COL5A2: variants seen among roughly 807,000 people sequenced by gnomAD.
COL5A2 encodes the protein collagen type V alpha 2 chain.
In COL5A2, 23 loss-of-function variants were observed where a neutral mutation model predicts 208.2. That is an observed-to-expected ratio of 0.11 (90% CI 0.08 to 0.16). COL5A2 has a LOEUF of 0.16. Among genes scored for constraint, COL5A2 ranks in the 10% least tolerant of loss-of-function variants. The probability of loss-of-function intolerance (pLI) is 1.00; values close to 1 mark genes in which losing one functional copy is unlikely to be tolerated. For missense variants in COL5A2, 1,590 were observed against 1,956.4 expected (o/e 0.81, Z 3.53); for synonymous variants, 625 against 628.5 (o/e 0.99, Z 0.08).
chr2:189,262,705 T>C, the COL5A2 span, among the ~76,000 whole-genome samples: 1 of 152,058 alleles, frequency 6.6e-6, no homozygotes, highest in Non-Finnish European at 1.5e-5. Flanking sequence ...TATAATCTAA[T>C]TAATCCCTAT....
At chr2:189,311,585 C>T in the COL5A2 span, 1 of 1,214,568 alleles carries the variant, frequency 8.2e-7, no homozygotes, top group East Asian at 2.5e-5. Flanking sequence ...CTCCCTCAGG[C>T]TGTTCTCCAA....
intron 16 of COL5A2, among the ~76,000 whole-genome samples, chr2:189,077,635 T>C (rs1686439146): frequency 6.6e-6 from 1 of 152,208 alleles, no homozygotes; most frequent in Non-Finnish European, 1.5e-5. Context: ...TATTCTATAA[T>C]ATTCTCTATA....
intron 19 of COL5A2, 150 bp downstream of exon 19, chr2:189,068,636 C>T: frequency 1.5e-6 from 1 of 664,248 alleles, no homozygotes; most frequent in Non-Finnish European, 2.7e-6. Context: ...TTGATTATTA[C>T]ACATCTTAGG....
the COL5A2 span, among the ~76,000 whole-genome samples, chr2:189,340,880 G>A: frequency 2.0e-5 from 3 of 152,132 alleles, no homozygotes; most frequent in Non-Finnish European, 4.4e-5. Context: ...TTCCAAAGAC[G>A]TTTAAAGCCT....
chr2:189,171,018 A>G (rs554824081), intron 1 of COL5A2, among the ~76,000 whole-genome samples: 1 of 152,192 alleles, frequency 6.6e-6, no homozygotes, highest in African/African-American at 2.4e-5. Flanking sequence ...CTGTTGTGAG[A>G]TGGCCAGAGG....
intron 1 of COL5A2, among the ~76,000 whole-genome samples, chr2:189,137,334 C>T (rs1444832387): frequency 1.3e-5 from 2 of 152,092 alleles, no homozygotes; most frequent in African/African-American, 4.8e-5. Context: ...ATATCAAGGC[C>T]ACGCCTAAAT....
chr2:189,349,020 T>C, the COL5A2 span, among the ~76,000 whole-genome samples: 1 of 152,146 alleles, frequency 6.6e-6, no homozygotes, highest in Admixed American at 6.6e-5. Context: ...CAAAGCTGTA[T>C]AACATAGCTG....
chr2:189,375,927 A>T, the COL5A2 span, among the ~76,000 whole-genome samples: 32 of 152,306 alleles, frequency 2.1e-4, no homozygotes, highest in Middle Eastern at 3.4e-3. Flanking sequence ...CCCACACTTC[A>T]ACTTGGCTCT....
chr2:189,408,401 T>C, the COL5A2 span, among the ~76,000 whole-genome samples: 5 of 152,092 alleles, frequency 3.3e-5, no homozygotes, highest in African/African-American at 1.2e-4. Flanking sequence ...AGAAAGTACA[T>C]ACATGGCATT....
rs1365008582 is a variant in COL5A2, at chr2:189,052,176, G to A, written c.2765C>T (p.Pro922Leu). ...TGTCTCACTAAGTTGACTTACAGCA[G>A]GGCCTGGAGGTCCAACTCTGCCCGC... The part of the protein sequence containing the change: ...GSAGRVGPPG[P>L]AGAPGPAGPL... The change falls in exon 41 of 54, where the codon CCT becomes CTT. Residue 922 changes from proline (P) to leucine (L), a missense_variant. Transcript: ENST00000374866. 6.2e-7 allele frequency: 1 copy of A among 1,613,528 alleles called. No individual in the cohort carries two copies. The highest frequency in any genetic ancestry group is 2.2e-5 in the East Asian group (1 of 44,828).
At position 189,064,635 on chromosome 2, in the gene COL5A2, A is replaced by T. The variant is rs1166382582; in HGVS notation, c.1638T>A (p.Gly546=). Reference sequence around the variant, plus strand: ...CTTTGGGTCCTGAAGAACCTACAGGACCCCGTTCTCCTTGAGCACCCTGTA... The same window carrying T: ...CTTTGGGTCCTGAAGAACCTACAGGTCCCCGTTCTCCTTGAGCACCCTGTA... ...PGPKGAQGER[G]PVGSSGPKGS... The change falls in exon 25 of 54, where the codon GGT becomes GGA. Residue 546 remains glycine, a synonymous_variant. Coordinates refer to ENST00000374866, the MANE Select transcript of COL5A2 (RefSeq NM_000393.5). The T allele has an allele frequency of 6.2e-7, 1 of 1,613,540 alleles. No individual in the cohort carries two copies. Among genetic ancestry groups the T allele is most frequent in the Non-Finnish European group, 8.5e-7 (1 of 1,179,826 alleles).
At chr2:189,346,336 T>C in the COL5A2 span, among the ~76,000 whole-genome samples, 3 of 152,168 alleles carry the variant, frequency 2.0e-5, no homozygotes, top group African/African-American at 7.2e-5. Context: ...ATTTCAGTAA[T>C]TGTAAAACCT....
chr2:189,257,690 C>T, the COL5A2 span, among the ~76,000 whole-genome samples: 1 of 152,114 alleles, frequency 6.6e-6, no homozygotes, highest in African/African-American at 2.4e-5. Flanking sequence ...ACCTGTTACC[C>T]CCTTCCCTCA....
the COL5A2 span, among the ~76,000 whole-genome samples, chr2:189,410,437 A>T: frequency 6.6e-6 from 1 of 152,046 alleles, no homozygotes. Context: ...ATGGTGGTGC[A>T]TACCTGCAGT....
intron 1 of COL5A2, among the ~76,000 whole-genome samples, chr2:189,195,871 A>G (rs947454335): frequency 5.3e-5 from 8 of 152,254 alleles, no homozygotes; most frequent in African/African-American, 1.9e-4. Flanking sequence ...AAGCCTAGGA[A>G]ATACCATTCA....
chr2:189,282,462 T>C, the COL5A2 span, among the ~76,000 whole-genome samples: 4 of 152,160 alleles, frequency 2.6e-5, no homozygotes, highest in Non-Finnish European at 5.9e-5. Flanking sequence ...ATAAGCACCA[T>C]TAATTTCATT....
At chr2:189,354,238 G>A in the COL5A2 span, among the ~76,000 whole-genome samples, 1 of 151,984 alleles carries the variant, frequency 6.6e-6, no homozygotes, top group Non-Finnish European at 1.5e-5. Context: ...GGCCTGAAAT[G>A]TTCTTTTTCT....
At chr2:189,062,065 C>G (rs1479815858) in intron 29 of COL5A2, among the ~76,000 whole-genome samples, 1 of 151,772 alleles carries the variant, frequency 6.6e-6, no homozygotes. Context: ...CTGCCCCACC[C>G]CCCCAAAAAA....
At chr2:189,351,560 A>T in the COL5A2 span, among the ~76,000 whole-genome samples, 1 of 152,202 alleles carries the variant, frequency 6.6e-6, no homozygotes, top group Non-Finnish European at 1.5e-5. Flanking sequence ...TGTGTATATA[A>T]ATAAACAGTC....
Sources: allele counts gnomAD v4.1 joint callset (sites outside exome capture counted in the v4.1 genomes callset), GRCh38; gene constraint gnomAD v4.1.1; transcripts MANE v1.5; gene names NCBI Gene and HGNC (gene_info 2026-07-23, HGNC 2026-07-21).